Variants in SEMA5A observed in about 807,000 individuals in gnomAD.
SEMA5A encodes the protein semaphorin-5A.
In SEMA5A, 55 loss-of-function variants were observed where a neutral mutation model predicts 135.5. The ratio of observed to expected loss-of-function variants is 0.41; its 90% CI spans 0.33 to 0.51. The LOEUF is 0.51. Among genes scored for constraint, SEMA5A ranks in the 20% least tolerant of loss-of-function variants. The probability of loss-of-function intolerance (pLI) is 0.37; values close to 1 mark genes in which losing one functional copy is unlikely to be tolerated. For synonymous variants in SEMA5A, 580 were observed against 546.5 expected (o/e 1.06, Z -0.85); for missense variants, 1,290 against 1,419.9 (o/e 0.91, Z 1.47).
chr5:9,513,718 G>A (rs1561312365), intron 1 of SEMA5A, among the ~76,000 whole-genome samples: 1 of 152,148 alleles, frequency 6.6e-6, no homozygotes, highest in Non-Finnish European at 1.5e-5. Flanking sequence ...ATGCCCCAGA[G>A]TCGACTTCAG....
intron 17 of SEMA5A, among the ~76,000 whole-genome samples, chr5:9,063,562 G>A (rs1395720590): frequency 1.3e-5 from 2 of 152,170 alleles, no homozygotes; most frequent in African/African-American, 2.4e-5. Context: ...TCTTTCAGCT[G>A]TTAACCTTTC....
At chr5:9,182,879 A>G (rs1480673697) in intron 11 of SEMA5A, among the ~76,000 whole-genome samples, 1 of 152,128 alleles carries the variant, frequency 6.6e-6, no homozygotes, top group African/African-American at 2.4e-5. Context: ...CATGCATCAT[A>G]TCATGTAACT....
At chr5:9,367,860 G>A (rs2126417403) in intron 3 of SEMA5A, among the ~76,000 whole-genome samples, 1 of 152,292 alleles carries the variant, frequency 6.6e-6, no homozygotes, top group South Asian at 2.1e-4. Flanking sequence ...ACATCTGGTT[G>A]TTAAAAAAGA....
intron 5 of SEMA5A, among the ~76,000 whole-genome samples, chr5:9,308,171 T>C (rs558982446): frequency 2.7e-4 from 41 of 152,308 alleles, no homozygotes; most frequent in Non-Finnish European, 1.8e-4. Flanking sequence ...TAGTGGGTGC[T>C]ATCGGCACCC....
intron 2 of SEMA5A, among the ~76,000 whole-genome samples, chr5:9,402,765 C>T (rs1471684024): frequency 6.6e-6 from 1 of 152,154 alleles, no homozygotes; most frequent in Non-Finnish European, 1.5e-5. Context: ...ATTAAGGGTC[C>T]ACAAGATGTT....
At chr5:9,224,365 A>G (rs1747173024) in intron 8 of SEMA5A, among the ~76,000 whole-genome samples, 1 of 151,302 alleles carries the variant, frequency 6.6e-6, no homozygotes, top group Non-Finnish European at 1.5e-5. Context: ...GAGTCTACAC[A>G]TGACAAGCTG....
intron 16 of SEMA5A, among the ~76,000 whole-genome samples, chr5:9,083,918 C>T (rs928496266): frequency 6.6e-6 from 1 of 152,174 alleles, no homozygotes; most frequent in African/African-American, 2.4e-5. Context: ...ATACAGGTGC[C>T]ATTGTCTTCC....
intron 5 of SEMA5A, among the ~76,000 whole-genome samples, chr5:9,257,373 G>A (rs575973653): frequency 9.7e-4 from 148 of 152,224 alleles, no homozygotes; most frequent in African/African-American, 2.6e-3. Context: ...GTGCCATTAC[G>A]TTGGGAAATG....
intron 20 of SEMA5A, 146 bp downstream of exon 20, chr5:9,051,727 C>A: frequency 1.1e-6 from 1 of 885,986 alleles, no homozygotes; most frequent in African/African-American, 1.7e-5. Flanking sequence ...TATAGACCTA[C>A]GTTTTAAACA....
chr5:9,121,279 G>GA (rs1740799997), intron 14 of SEMA5A, among the ~76,000 whole-genome samples: 1 of 152,132 alleles, frequency 6.6e-6, no homozygotes, highest in Non-Finnish European at 1.5e-5. Flanking sequence ...CAGACACAGT[G>GA]ACCAAACAAG....
chr5:9,065,979 T>A (rs899865787), intron 17 of SEMA5A, among the ~76,000 whole-genome samples: 1 of 152,360 alleles, frequency 6.6e-6, no homozygotes, highest in South Asian at 2.1e-4. Flanking sequence ...ATGTGCTTTT[T>A]AAAAACAGAA....
chr5:9,179,283 T>C (rs912669642), intron 11 of SEMA5A, among the ~76,000 whole-genome samples: 3 of 152,218 alleles, frequency 2.0e-5, no homozygotes, highest in Middle Eastern at 3.2e-3. Context: ...TATTTACTTA[T>C]GTATTTTTTG....
At chr5:9,131,894 A>C (rs1368015051) in intron 13 of SEMA5A, among the ~76,000 whole-genome samples, 1 of 152,112 alleles carries the variant, frequency 6.6e-6, no homozygotes, top group African/African-American at 2.4e-5. Context: ...TCATGTATCC[A>C]CAAAGGGTGT....
At chr5:9,105,171 T>C (rs2456237) in intron 16 of SEMA5A, among the ~76,000 whole-genome samples, 85,321 of 152,062 alleles carry the variant, frequency 0.56, 26,130 homozygotes, top group African/African-American at 0.83. Context: ...CCCAAGCTTT[T>C]GACATTGAGC....
intron 5 of SEMA5A, among the ~76,000 whole-genome samples, chr5:9,269,458 CT>C (rs1481990376): frequency 1.5e-4 from 23 of 152,220 alleles, no homozygotes; most frequent in African/African-American, 5.5e-4. Context: ...TTTTGATTAG[CT>C]ATGCAACCTT....
chr5:9,534,486 G>A (rs1561329647), intron 1 of SEMA5A, among the ~76,000 whole-genome samples: 2 of 152,224 alleles, frequency 1.3e-5, no homozygotes, highest in East Asian at 3.9e-4. Context: ...CAGATCATTG[G>A]GTGTGATCTT....
At chr5:9,089,254 A>C (rs906905262) in intron 16 of SEMA5A, among the ~76,000 whole-genome samples, 2 of 152,220 alleles carry the variant, frequency 1.3e-5, no homozygotes, top group African/African-American at 4.8e-5. Flanking sequence ...CATGCACCAG[A>C]AAACAAGCGG....
intron 16 of SEMA5A, among the ~76,000 whole-genome samples, chr5:9,105,509 A>T (rs17309608): frequency 0.26 from 40,164 of 152,114 alleles, 5,532 homozygotes; most frequent in Non-Finnish European, 0.31. Flanking sequence ...ATGACATTTC[A>T]TTAGCTGACT....
At chr5:9,455,824 C>T (rs1244990642) in intron 1 of SEMA5A, among the ~76,000 whole-genome samples, 3 of 152,110 alleles carry the variant, frequency 2.0e-5, no homozygotes, top group East Asian at 1.9e-4. Context: ...CTGGTGACAA[C>T]ATGAAAGGAA....
Sources: allele counts gnomAD v4.1 joint callset (sites outside exome capture counted in the v4.1 genomes callset), GRCh38; gene constraint gnomAD v4.1.1; transcripts MANE v1.5; gene names NCBI Gene and HGNC (gene_info 2026-07-23, HGNC 2026-07-21).